The following SS18L2 variants were observed in gnomAD, a reference collection of about 807,000 sequenced individuals.
SS18L2 encodes SS18 like 2.
SS18L2 carries 8 observed loss-of-function variants against 10.3 expected under a neutral mutation model. That is an observed-to-expected ratio of 0.78 (90% CI 0.46 to 1.41). SS18L2 has a LOEUF of 1.41. Ranked by LOEUF, SS18L2 falls within the 40% of genes most tolerant of loss-of-function variation. The pLI is 0.00. For missense variants in SS18L2, 100 were observed against 96.2 expected (o/e 1.04, Z -0.17); for synonymous variants, 41 against 34.6 (o/e 1.19, Z -0.65).
At position 42,596,677 on chromosome 3, in the gene SS18L2, C is replaced by G. The variant is rs1705042509; in HGVS notation, c.*2168C>G. ...TTGCATACTTTTATCTTCGAATCAT[C>G]TAAAATATAATTTCAAATCACAAGA... On this transcript the variant is annotated 3_prime_UTR_variant, in exon 3 of 3. Coordinates refer to ENST00000011691, the MANE Select transcript of SS18L2 (RefSeq NM_001370300.1). Among the ~76,000 whole-genome samples, 1 of 152,154 alleles carries G rather than the reference C, an allele frequency of 6.6e-6. No homozygotes were observed. The highest frequency in any genetic ancestry group is 2.4e-5 in the African/African-American group (1 of 41,424).
intron 1 of SS18L2, among the ~76,000 whole-genome samples, chr3:42,585,472 CCTT>C (rs1260310767): frequency 2.6e-5 from 4 of 152,218 alleles, no homozygotes; most frequent in East Asian, 1.9e-4. Flanking sequence ...TTTCATCTGT[CCTT>C]CTGCTATTCT....
chr3:42,584,289 CTG>C (rs1379574122), intron 1 of SS18L2, among the ~76,000 whole-genome samples: 1 of 152,214 alleles, frequency 6.6e-6, no homozygotes, highest in East Asian at 1.9e-4. Flanking sequence ...GAGTCTCACT[CTG>C]TGGCCTAGGT....
At chr3:42,589,542 CAGG>C (rs1421494794), upstream of SS18L2, among the ~76,000 whole-genome samples, 1 of 152,190 alleles carries the variant, frequency 6.6e-6, no homozygotes, top group African/African-American at 2.4e-5. Flanking sequence ...TACCGCATAG[CAGG>C]AGGTGAGCAG....
chr3:42,586,811 GC>G (rs922353680), upstream of SS18L2, among the ~76,000 whole-genome samples: 74 of 152,112 alleles, frequency 4.9e-4, no homozygotes, highest in African/African-American at 1.7e-3. Context: ...CTGAGTTTCA[GC>G]CCCAAATAGC....
At chr3:42,590,421 G>A (rs1231661746), upstream of SS18L2, among the ~76,000 whole-genome samples, 4 of 152,090 alleles carry the variant, frequency 2.6e-5, no homozygotes, top group Non-Finnish European at 5.9e-5. Flanking sequence ...ACGAGGTCAG[G>A]AGACCGAGAC....
Position 42,591,038 on chromosome 3 carries a change from G to C in SS18L2, c.69+72G>C, listed in dbSNP as rs535205409. ...CCCGAGGGGCTGCGGGGTGCGAGAA[G>C]CATCCTGTAGTGAGCGGCCTCCCAG... is the stretch of plus-strand genomic sequence containing the variant. On this transcript the variant is annotated intron_variant, in intron 1 of 2. Coordinates refer to ENST00000011691, the MANE Select transcript of SS18L2 (RefSeq NM_001370300.1). 3.7e-4 allele frequency: 546 copies of C among 1,495,576 alleles called. 2 individuals are homozygous for C. The African/African-American group carries it at 6.8e-3, about 19-fold the overall frequency. The allele number at this position is 1,495,576 out of a possible 1,614,324, so 92.6% of individuals were successfully genotyped here. A position where few individuals can be genotyped will look rare whatever the true frequency, so the allele number is the denominator to read the frequency against.
At chr3:42,584,056 A>C (rs1218449743) in intron 1 of SS18L2, among the ~76,000 whole-genome samples, 1 of 152,166 alleles carries the variant, frequency 6.6e-6, no homozygotes, top group Non-Finnish European at 1.5e-5. Context: ...TAGATGGTCT[A>C]TTGTGGGACT....
Position 42,595,189 on chromosome 3 carries a change from A to G in SS18L2, c.*680A>G, listed in dbSNP as rs1192992590. 6.6e-6 allele frequency: 1 copy of G among 152,242 alleles called. No individual in the cohort carries two copies. Among genetic ancestry groups the G allele is most frequent in the Admixed American group, 6.5e-5 (1 of 15,282 alleles). The allele number at this position is 152,242 out of a possible 1,614,324, so 9.4% of individuals were successfully genotyped here. On this transcript the variant is annotated 3_prime_UTR_variant, in exon 3 of 3. Coordinates refer to ENST00000011691, the MANE Select transcript of SS18L2 (RefSeq NM_001370300.1). The stretch of plus-strand genomic sequence containing the variant: ...GTTTAATTTTCTTCAGTTATCAGAT[A>G]GTCTTTTTGTTGATTTGTCTGAACC...
chr3:42,593,493 A>G (rs1443498134), intron 2 of SS18L2, among the ~76,000 whole-genome samples: 1 of 152,136 alleles, frequency 6.6e-6, no homozygotes, highest in Non-Finnish European at 1.5e-5. Context: ...CATTTTTTAT[A>G]AGGGACTTGA....
chr3:42,591,529 T>C lies in SS18L2; in HGVS notation c.74T>C (p.Leu25Pro). 1 of 1,613,436 alleles carries C rather than the reference T, an allele frequency of 6.2e-7. No individual in the cohort carries two copies. The highest frequency in any genetic ancestry group is 8.5e-7 in the Non-Finnish European group (1 of 1,179,388). Residue 25 changes from leucine (L) to proline (P), a missense_variant, in exon 2 of 3, where the codon CTT (leucine) becomes CCT (proline). Coordinates refer to ENST00000011691, the MANE Select transcript of SS18L2 (RefSeq NM_001370300.1). ...TTTCTTTCTCTGATCTTTCAGCTCC[T>C]TGAGGAGAATGACCAGCTGATCCGC... is the stretch of plus-strand genomic sequence containing the variant. Reference protein sequence around the residue: ...EVNQETIQRLLEENDQLIRCI... With the variant: ...EVNQETIQRLPEENDQLIRCI...
intron 1 of SS18L2, among the ~76,000 whole-genome samples, chr3:42,585,034 C>G (rs1169504273): frequency 6.6e-6 from 1 of 152,156 alleles, no homozygotes; most frequent in Non-Finnish European, 1.5e-5. Flanking sequence ...GAGGCTGAGG[C>G]AGGAGAATCA....
At chr3:42,591,995 ACTG>A in intron 2 of SS18L2, among the ~76,000 whole-genome samples, 1 of 152,230 alleles carries the variant, frequency 6.6e-6, no homozygotes, top group Admixed American at 6.5e-5. Context: ...AGGCCATTTG[ACTG>A]CTAAGCTTCC....
At chr3:42,582,135 G>A (rs556098711) in intron 1 of SS18L2, 6 of 152,234 alleles carry the variant, frequency 3.9e-5, no homozygotes, top group African/African-American at 1.4e-4. Context: ...CCCAAACGGA[G>A]AGGGAGTGTG....
upstream of SS18L2, among the ~76,000 whole-genome samples, chr3:42,589,942 T>G (rs1215398487): frequency 6.6e-6 from 1 of 152,220 alleles, no homozygotes; most frequent in African/African-American, 2.4e-5. Flanking sequence ...CTTTGCGGTA[T>G]GGTGCCTGGG....
At chr3:42,582,951 TC>T (rs2125733376) in intron 1 of SS18L2, among the ~76,000 whole-genome samples, 1 of 152,298 alleles carries the variant, frequency 6.6e-6, no homozygotes, top group African/African-American at 2.4e-5. Context: ...GTAGTGATGA[TC>T]ACACAACAAT....
At chr3:42,590,790 TCTGTACCCCGCC>T, upstream of SS18L2, 1 of 1,174,876 alleles carries the variant, frequency 8.5e-7, no homozygotes, top group Admixed American at 1.7e-5. Context: ...TGACGTCCCT[TCTGTACCCCGCC>T]CTGTAGGCGG....
At chr3:42,581,993 A>ACC (rs368274990) in intron 1 of SS18L2, 1 of 152,142 alleles carries the variant, frequency 6.6e-6, no homozygotes, top group African/African-American at 2.4e-5. Context: ...GTCTTGAGCC[A>ACC]CCCCACCTCC....
rs1217773415 is a variant in SS18L2 at position 42,590,983 on chromosome 3, G to A, written c.69+17G>A. On this transcript the variant is annotated intron_variant, in intron 1 of 2. Transcript: ENST00000011691. The stretch of plus-strand genomic sequence containing the variant: ...ATCCAGCGGGTGAGCATCCACGCGG[G>A]CGGGCGGGCGGGCGGAGAGAAGTCG... 3 of 1,538,120 alleles carry A rather than the reference G, an allele frequency of 2.0e-6. No homozygotes were observed. The highest frequency in any genetic ancestry group is 1.7e-6 in the Non-Finnish European group (2 of 1,144,754).
At position 42,591,612 on chromosome 3, in the gene SS18L2, C is replaced by T; in HGVS notation, c.146+11C>T. On this transcript the variant is annotated intron_variant, in intron 2 of 2. Transcript: ENST00000011691. Reference sequence around the variant, plus strand: ...GAACGAGTGCGTGCAGTAAGTACCCCCACCCCCGCGCCCCTGACCTGTGGG... The same window carrying T: ...GAACGAGTGCGTGCAGTAAGTACCCTCACCCCCGCGCCCCTGACCTGTGGG... 6.2e-7 allele frequency: 1 copy of T among 1,601,768 alleles called. No homozygotes were observed.
Sources: gnomAD v4.1 joint callset for allele counts (sites outside exome capture counted in the v4.1 genomes callset) on GRCh38, gnomAD v4.1.1 for gene constraint, MANE v1.5 for transcripts, NCBI Gene and HGNC (gene_info 2026-07-23, HGNC 2026-07-21) for gene names.